ARHGAP23: variants seen among roughly 807,000 people sequenced by gnomAD.
The protein encoded by ARHGAP23 is Rho GTPase activating protein 23, also known as rho GTPase-activating protein 23.
In ARHGAP23, 34 loss-of-function variants were observed where a neutral mutation model predicts 136.3. That is an observed-to-expected ratio of 0.25 (90% CI 0.19 to 0.33). The LOEUF (loss-of-function observed/expected upper bound fraction) is 0.33. Among genes scored for constraint, ARHGAP23 ranks in the 10% least tolerant of loss-of-function variants. ARHGAP23 has a pLI of 1.00. For missense variants in ARHGAP23, 1,808 were observed against 2,139.0 expected, an observed-to-expected ratio of 0.85 and a Z score of 3.05; for synonymous variants, 832 against 920.5, an observed-to-expected ratio of 0.90 and a Z score of 1.74.
At chr17:38,461,686 G>T (rs917233436) in intron 3 of ARHGAP23, among the ~76,000 whole-genome samples, 1 of 138,492 alleles carries the variant, frequency 7.2e-6, no homozygotes, top group African/African-American at 2.8e-5. Context: ...CACCCTAGGG[G>T]CCTCGGACCT....
chr17:38,429,921 C>T (rs1311549836), intron 1 of ARHGAP23, among the ~76,000 whole-genome samples: 1 of 152,192 alleles, frequency 6.6e-6, no homozygotes, highest in Non-Finnish European at 1.5e-5. Context: ...GCTCTCACTG[C>T]CATGTGCTCC....
intron 22 of ARHGAP23, 106 bp downstream of exon 22, chr17:38,498,616 G>T: frequency 3.0e-6 from 3 of 985,544 alleles, no homozygotes. Flanking sequence ...CACCCCAGCG[G>T]GGCCCTCCCC....
At chr17:38,437,907 C>T (rs553908816) in intron 1 of ARHGAP23, among the ~76,000 whole-genome samples, 5 of 152,114 alleles carry the variant, frequency 3.3e-5, no homozygotes, top group Admixed American at 1.3e-4. Context: ...TCGTGAGTGG[C>T]GTGGGGGACC....
At chr17:38,465,083 G>C (rs1380301008) in intron 6 of ARHGAP23, among the ~76,000 whole-genome samples, 1 of 151,828 alleles carries the variant, frequency 6.6e-6, no homozygotes, top group African/African-American at 2.4e-5. Flanking sequence ...TCAGTGGCGG[G>C]GTTAGCCGGA....
At position 38,511,993 on chromosome 17, in the gene ARHGAP23, C is replaced by T. The variant is rs1298927232; in HGVS notation, c.*1021C>T. 1.3e-5 allele frequency: 2 copies of T among 152,250 alleles called. No homozygotes were observed. The highest frequency in any genetic ancestry group is 6.5e-5 in the Admixed American group (1 of 15,278). The allele number at this position is 152,250 out of a possible 1,614,324, so 9.4% of individuals were successfully genotyped here. ...CTCCCCACAGGCTGTAAATAGACTT[C>T]CAATCACCAGGCCAGCCCCCACACA... On this transcript the variant is annotated 3_prime_UTR_variant, in exon 24 of 24. Coordinates refer to ENST00000622683, the MANE Select transcript of ARHGAP23 (RefSeq NM_001199417.2).
At chr17:38,444,193 G>A (rs935886759) in intron 1 of ARHGAP23, among the ~76,000 whole-genome samples, 1 of 152,030 alleles carries the variant, frequency 6.6e-6, no homozygotes, top group African/African-American at 2.4e-5. Flanking sequence ...TGGAGCTGAG[G>A]GGCCTGGGGA....
At chr17:38,420,488 C>G (rs1396292467) in intron 1 of ARHGAP23, among the ~76,000 whole-genome samples, 1 of 152,210 alleles carries the variant, frequency 6.6e-6, no homozygotes, top group African/African-American at 2.4e-5. Flanking sequence ...ACCCTCCCCT[C>G]CAGGCTGAGC....
chr17:38,473,713 G>A (rs528872589), intron 11 of ARHGAP23, among the ~76,000 whole-genome samples: 3 of 152,114 alleles, frequency 2.0e-5, no homozygotes, highest in African/African-American at 7.2e-5. Flanking sequence ...GAGGTATCCA[G>A]AGGCTGAGAC....
In ARHGAP23 at chr17:38,511,248, C is replaced by T. The variant is rs2040759771; in HGVS notation, c.*276C>T. ...GTCTGTGTCCCTGCACACATGCGCC[C>T]GATAGGTCCTTCTGAGCCTTTCTGT... On this transcript the variant is annotated 3_prime_UTR_variant, in exon 24 of 24. Coordinates refer to ENST00000622683, the MANE Select transcript of ARHGAP23 (RefSeq NM_001199417.2). The T allele has an allele frequency of 2.5e-6, 1 of 395,810 alleles. No homozygotes were observed. The highest frequency in any genetic ancestry group is 4.4e-6 in the Non-Finnish European group (1 of 224,922). 24.5% of individuals were successfully genotyped at this position (395,810 alleles called of 1,614,324 possible).
rs1201072330 is a variant in ARHGAP23, at chr17:38,466,974, G to T, written c.1291G>T (p.Gly431Cys). Residue 431 changes from glycine to cysteine, a missense_variant, in exon 7 of 24, where the codon GGC becomes TGC. Transcript: ENST00000622683. The stretch of plus-strand genomic sequence containing the variant: ...CAGCCCATCATTCCAGCGCCGGACC[G>T]GCCTCCTCCATGCGCTCTCCTTCCG... Reference protein sequence around the residue: ...SYSPSFQRRTGLLHALSFRDS... With the variant: ...SYSPSFQRRTCLLHALSFRDS... 1 of 1,550,556 alleles carries T rather than the reference G, an allele frequency of 6.4e-7. No homozygotes were observed. Among genetic ancestry groups the T allele is most frequent in the Non-Finnish European group, 8.7e-7 (1 of 1,146,958 alleles).
chr17:38,458,741 C>T (rs895705407), intron 2 of ARHGAP23, among the ~76,000 whole-genome samples: 3 of 152,200 alleles, frequency 2.0e-5, no homozygotes, highest in African/African-American at 7.2e-5. Context: ...CGCCCCTGGC[C>T]CCTGCTGGCC....
chr17:38,454,731 C>T (rs1282029397), intron 1 of ARHGAP23, among the ~76,000 whole-genome samples: 1 of 152,110 alleles, frequency 6.6e-6, no homozygotes, highest in Non-Finnish European at 1.5e-5. Flanking sequence ...TCACAGTGGG[C>T]GCCATGCCCG....
chr17:38,454,836 A>T (rs2039287072), intron 1 of ARHGAP23, among the ~76,000 whole-genome samples: 1 of 152,162 alleles, frequency 6.6e-6, no homozygotes, highest in Non-Finnish European at 1.5e-5. Context: ...CCAACCCACC[A>T]CGTGTCCACC....
At chr17:38,490,659 T>C in intron 19 of ARHGAP23, 108 bp downstream of exon 19, 1 of 870,108 alleles carries the variant, frequency 1.1e-6, no homozygotes, top group East Asian at 2.6e-5. Flanking sequence ...CAGGCCCCTC[T>C]AGGCACGCCC....
intron 1 of ARHGAP23, among the ~76,000 whole-genome samples, chr17:38,447,874 T>C (rs2039070690): frequency 6.6e-6 from 1 of 152,246 alleles, no homozygotes; most frequent in Non-Finnish European, 1.5e-5. Context: ...GTGTTTACTT[T>C]GTGGCTGGCT....
chr17:38,498,561 C>T, intron 22 of ARHGAP23, 51 bp downstream of exon 22: 7 of 1,395,740 alleles, frequency 5.0e-6, no homozygotes, highest in Non-Finnish European at 6.7e-6. Context: ...ACACTGCATT[C>T]CTGAGGGTCC....
rs762322106 is a variant in ARHGAP23, at chr17:38,465,196, C to T, written c.484-971C>T. Among the ~76,000 whole-genome samples the T allele has an allele frequency of 9.4e-4, 141 of 149,946 alleles. 1 individual carries two copies. The highest frequency in any genetic ancestry group is 2.1e-4 in the South Asian group (1 of 4,762). Reference sequence around the variant, plus strand: ...GCAGGAGGGAGAGGTATGTGTGTGCCGGCCCTGTGCCAGCTGGAGGGGGCT... The same window carrying T: ...GCAGGAGGGAGAGGTATGTGTGTGCTGGCCCTGTGCCAGCTGGAGGGGGCT... On this transcript the variant is annotated intron_variant, in intron 6 of 23. Transcript: ENST00000622683.
intron 1 of ARHGAP23, among the ~76,000 whole-genome samples, chr17:38,430,537 A>C (rs954506236): frequency 1.3e-5 from 2 of 152,290 alleles, no homozygotes; most frequent in East Asian, 3.9e-4. Flanking sequence ...GGATTGCTTC[A>C]TCCTACATTG....
At chr17:38,422,187 G>A in intron 1 of ARHGAP23, among the ~76,000 whole-genome samples, 1 of 152,188 alleles carries the variant, frequency 6.6e-6, no homozygotes, top group East Asian at 1.9e-4. Flanking sequence ...GGAGATCTTG[G>A]ACAAGCTACT....
Sources: gnomAD v4.1 joint callset for allele counts (sites outside exome capture counted in the v4.1 genomes callset) on GRCh38, gnomAD v4.1.1 for gene constraint, MANE v1.5 for transcripts, NCBI Gene and HGNC (gene_info 2026-07-23, HGNC 2026-07-21) for gene names.